Variants in SKAP2 observed in about 807,000 individuals in gnomAD.
SKAP2 encodes src kinase associated phosphoprotein 2.
SKAP2 carries 28 observed loss-of-function variants against 54.9 expected under a neutral mutation model. That is an observed-to-expected ratio of 0.51 (90% CI 0.38 to 0.70). SKAP2 has a LOEUF of 0.70. SKAP2 is among the 30% of genes least tolerant of loss of function. The pLI is 0.00. For missense variants in SKAP2, 356 were observed against 424.1 expected (o/e 0.84, Z 1.41); for synonymous variants, 137 against 134.3 (o/e 1.02, Z -0.14).
At chr7:26,858,945 T>C (rs1785228381) in intron 1 of SKAP2, among the ~76,000 whole-genome samples, 1 of 152,024 alleles carries the variant, frequency 6.6e-6, no homozygotes, top group Non-Finnish European at 1.5e-5. Flanking sequence ...AGGTAACACC[T>C]CCTCTTCCTG....
intron 4 of SKAP2, among the ~76,000 whole-genome samples, chr7:26,776,449 T>C (rs1783309099): frequency 6.6e-6 from 1 of 152,168 alleles, no homozygotes; most frequent in African/African-American, 2.4e-5. Flanking sequence ...TCTGTATGAC[T>C]GACCTAATTC....
the SKAP2 span, among the ~76,000 whole-genome samples, chr7:26,659,840 G>C: frequency 6.6e-6 from 1 of 151,842 alleles, no homozygotes; most frequent in African/African-American, 2.4e-5. Context: ...ATGTCGTATT[G>C]GTATCTTAAT....
rs571077885 is a variant in SKAP2, at chr7:26,708,024, A to G, written c.796+17404T>C. Among the ~76,000 whole-genome samples the G allele has an allele frequency of 2.6e-5, 4 of 152,316 alleles. No individual in the cohort carries two copies. The South Asian group carries it at 6.2e-4, about 24-fold the overall frequency. On this transcript the variant is annotated intron_variant, in intron 9 of 12. Transcript: ENST00000345317. ...ATAGAGGTAAGGAGAAAACCTGATA[A>G]GCTCACAATACATGGACCTAGCAGA... is the stretch of plus-strand genomic sequence containing the variant.
At chr7:26,819,348 A>C (rs142853531) in intron 4 of SKAP2, among the ~76,000 whole-genome samples, 1 of 152,168 alleles carries the variant, frequency 6.6e-6, no homozygotes, top group Non-Finnish European at 1.5e-5. Flanking sequence ...GTTCTCACTC[A>C]TAAGTAGGAG....
chr7:26,859,654 G>T (rs985400138), intron 1 of SKAP2, among the ~76,000 whole-genome samples: 4 of 152,186 alleles, frequency 2.6e-5, no homozygotes, highest in Non-Finnish European at 5.9e-5. Context: ...CTGTTTAAAG[G>T]TAGGGCTGAA....
chr7:26,796,326 C>T (rs2082365), intron 4 of SKAP2, among the ~76,000 whole-genome samples: 46,717 of 151,602 alleles, frequency 0.31, 7,422 homozygotes, highest in Middle Eastern at 0.37. Flanking sequence ...CTGCTTAAAA[C>T]GCTATGTGAC....
chr7:26,834,826 T>A (rs937742903), intron 4 of SKAP2, among the ~76,000 whole-genome samples: 2 of 152,012 alleles, frequency 1.3e-5, no homozygotes, highest in African/African-American at 4.8e-5. Flanking sequence ...AAAGAGGGAC[T>A]CCTCCCTAAC....
intron 9 of SKAP2, among the ~76,000 whole-genome samples, chr7:26,724,598 T>C (rs542780185): frequency 6.6e-6 from 1 of 152,332 alleles, no homozygotes; most frequent in South Asian, 2.1e-4. Flanking sequence ...CCTCTCTACA[T>C]GAGATGTACT....
intron 4 of SKAP2, among the ~76,000 whole-genome samples, chr7:26,758,244 A>C (rs557319742): frequency 6.6e-6 from 1 of 152,222 alleles, no homozygotes; most frequent in African/African-American, 2.4e-5. Context: ...CTTCGTTATA[A>C]GCATGTACTA....
At chr7:26,655,757 A>G in the SKAP2 span, among the ~76,000 whole-genome samples, 1 of 152,352 alleles carries the variant, frequency 6.6e-6, no homozygotes, top group African/African-American at 2.4e-5. Context: ...TAGAGCATGG[A>G]TATTATAGTT....
chr7:26,812,495 A>G (rs1784168412), intron 4 of SKAP2, among the ~76,000 whole-genome samples: 1 of 152,136 alleles, frequency 6.6e-6, no homozygotes, highest in South Asian at 2.1e-4. Context: ...AATCCCTTAA[A>G]AAAGCACCAT....
At chr7:26,670,815 A>G (rs943000459) in intron 11 of SKAP2, among the ~76,000 whole-genome samples, 1 of 152,104 alleles carries the variant, frequency 6.6e-6, no homozygotes, top group East Asian at 1.9e-4. Flanking sequence ...TCCCTAAGGC[A>G]TTTATTATTC....
chr7:26,809,378 A>C (rs1480208157), intron 4 of SKAP2, among the ~76,000 whole-genome samples: 2 of 151,828 alleles, frequency 1.3e-5, no homozygotes, highest in Non-Finnish European at 2.9e-5. Flanking sequence ...GCACCATTGC[A>C]CTCCAGCCTG....
At chr7:26,799,941 AC>A (rs1258509113) in intron 4 of SKAP2, among the ~76,000 whole-genome samples, 3 of 149,684 alleles carry the variant, frequency 2.0e-5, no homozygotes, top group Non-Finnish European at 4.4e-5. Flanking sequence ...ATACGGTGAA[AC>A]CCTGTCTCTA....
At chr7:26,676,034 TCTC>T (rs780330045) in intron 11 of SKAP2, among the ~76,000 whole-genome samples, 5 of 152,160 alleles carry the variant, frequency 3.3e-5, no homozygotes, top group Non-Finnish European at 7.4e-5. Flanking sequence ...GAATGGAAAA[TCTC>T]CTGGTTTTTT....
intron 9 of SKAP2, among the ~76,000 whole-genome samples, chr7:26,713,341 A>G (rs79445145): frequency 0.044 from 6,744 of 152,296 alleles, 221 homozygotes; most frequent in Non-Finnish European, 0.073. Context: ...AATAGGGACT[A>G]GGTCTGCCTT....
chr7:26,748,930 G>A (rs1443236011), intron 4 of SKAP2, among the ~76,000 whole-genome samples: 1 of 152,090 alleles, frequency 6.6e-6, no homozygotes, highest in East Asian at 1.9e-4. Flanking sequence ...ATTTCATTAA[G>A]CTTTAGTTTT....
chr7:26,740,552 T>TACTGGATCCCTAAAA (rs1782416421), intron 4 of SKAP2, among the ~76,000 whole-genome samples: 1 of 152,114 alleles, frequency 6.6e-6, no homozygotes, highest in African/African-American at 2.4e-5. Flanking sequence ...AAAACTATTA[T>TACTGGATCCCTAAAA]AAACAAATAC....
intron 4 of SKAP2, among the ~76,000 whole-genome samples, chr7:26,842,882 CA>C (rs67111283): frequency 0.21 from 32,059 of 149,540 alleles, 3,474 homozygotes; most frequent in Non-Finnish European, 0.24. Context: ...AATATAACAG[CA>C]AAAAAAAACC....
Sources: gnomAD v4.1 joint callset for allele counts (sites outside exome capture counted in the v4.1 genomes callset) on GRCh38, gnomAD v4.1.1 for gene constraint, MANE v1.5 for transcripts, NCBI Gene and HGNC (gene_info 2026-07-23, HGNC 2026-07-21) for gene names.